The following ROBO1 variants were observed in gnomAD, a reference collection of about 807,000 sequenced individuals.
ROBO1 encodes roundabout guidance receptor 1.
In ROBO1, 149 loss-of-function variants were observed where a neutral mutation model predicts 195.9. The ratio of observed to expected loss-of-function variants is 0.76; its 90% confidence interval spans 0.67 to 0.87. ROBO1 has a LOEUF of 0.87. Among genes scored for constraint, ROBO1 ranks in the 40% least tolerant of loss-of-function variants. The pLI, the probability that ROBO1 is intolerant of heterozygous loss-of-function variation, is 0.00. For missense variants in ROBO1, 1,933 were observed against 2,068.3 expected (o/e 0.93, Z 1.27); for synonymous variants, 816 against 733.2 (o/e 1.11, Z -1.82).
chr3:79,212,506 A>AT (rs1407596161), intron 2 of ROBO1, among the ~76,000 whole-genome samples: 1 of 152,154 alleles, frequency 6.6e-6, no homozygotes, highest in African/African-American at 2.4e-5. Context: ...TAACAGTGAA[A>AT]TATTTAAACT....
chr3:78,634,001 T>C lies in ROBO1; in HGVS notation c.3415A>G (p.Asn1139Asp). 1 of 1,612,414 alleles carries C rather than the reference T, an allele frequency of 6.2e-7. No homozygotes were observed. The highest frequency in any genetic ancestry group is 1.1e-5 in the South Asian group (1 of 90,968). Residue 1139 changes from asparagine to aspartate, a missense_variant, in exon 24 of 31, where the codon AAC becomes GAC. Coordinates refer to ENST00000464233, the MANE Select transcript of ROBO1 (RefSeq NM_002941.4). Reference sequence around the variant, plus strand: ...CCTGTGTTCTGGTCGTATGATTGGTTGTATGGGATAGTTGGAGGAACTGTG... The same window carrying C: ...CCTGTGTTCTGGTCGTATGATTGGTCGTATGGGATAGTTGGAGGAACTGTG... Reference protein sequence around the residue: ...NDTVPPTIPYNQSYDQNTGGS... With the variant: ...NDTVPPTIPYDQSYDQNTGGS...
intron 3 of ROBO1, among the ~76,000 whole-genome samples, chr3:79,009,199 C>A (rs1222436351): frequency 6.6e-6 from 1 of 150,766 alleles, no homozygotes; most frequent in African/African-American, 2.4e-5. Flanking sequence ...GGTGATCCAC[C>A]CGCCTCAGCC....
At chr3:78,962,678 A>G (rs2041425154) in intron 3 of ROBO1, among the ~76,000 whole-genome samples, 1 of 151,942 alleles carries the variant, frequency 6.6e-6, no homozygotes, top group African/African-American at 2.4e-5. Flanking sequence ...ACAAAAAATT[A>G]GCCAGGCGTG....
chr3:78,926,490 C>T (rs996604819), intron 4 of ROBO1, among the ~76,000 whole-genome samples: 2 of 152,052 alleles, frequency 1.3e-5, no homozygotes, highest in African/African-American at 2.4e-5. Flanking sequence ...AAGAATCAAT[C>T]GCAGGTTTCT....
intron 2 of ROBO1, among the ~76,000 whole-genome samples, chr3:79,334,740 T>C (rs2034596670): frequency 6.6e-6 from 1 of 152,158 alleles, no homozygotes; most frequent in Admixed American, 6.5e-5. Context: ...ACCACATTTT[T>C]TTTTTTTAAA....
At chr3:79,559,785 T>A (rs1436059501) in intron 2 of ROBO1, among the ~76,000 whole-genome samples, 1 of 151,986 alleles carries the variant, frequency 6.6e-6, no homozygotes, top group Non-Finnish European at 1.5e-5. Flanking sequence ...GGCGTGGTGG[T>A]GTGCACCTGT....
At chr3:79,545,230 G>T (rs906770779) in intron 2 of ROBO1, among the ~76,000 whole-genome samples, 1 of 152,060 alleles carries the variant, frequency 6.6e-6, no homozygotes, top group African/African-American at 2.4e-5. Flanking sequence ...AATAGCAACT[G>T]AAAAAAAGTG....
chr3:78,670,029 T>C, intron 11 of ROBO1, 67 bp downstream of exon 11: 1 of 1,245,204 alleles, frequency 8.0e-7, no homozygotes, highest in South Asian at 1.5e-5. Flanking sequence ...GAAATTTCAA[T>C]GCCAGTTGTT....
At chr3:79,644,091 G>T (rs1016690270) in intron 1 of ROBO1, among the ~76,000 whole-genome samples, 2 of 152,104 alleles carry the variant, frequency 1.3e-5, no homozygotes, top group Non-Finnish European at 2.9e-5. Flanking sequence ...GCAAATCAAA[G>T]ATTGTAAAAA....
chr3:79,034,120 C>T (rs1426680067), intron 3 of ROBO1, among the ~76,000 whole-genome samples: 2 of 152,124 alleles, frequency 1.3e-5, no homozygotes, highest in Non-Finnish European at 2.9e-5. Context: ...CTCTTGAGGC[C>T]TTTGGTTCTC....
chr3:79,148,486 G>A, intron 2 of ROBO1, among the ~76,000 whole-genome samples: 1 of 151,792 alleles, frequency 6.6e-6, no homozygotes, highest in Middle Eastern at 3.4e-3. Flanking sequence ...ATATAAGCCT[G>A]GGAACAGGAG....
rs979767872 is a variant in ROBO1 at position 79,711,989 on chromosome 3, G to A, written c.-51+55763C>T. Among the ~76,000 whole-genome samples the A allele has an allele frequency of 5.7e-4, 86 of 152,072 alleles. 1 individual carries two copies. Among genetic ancestry groups the A allele is most frequent in the African/African-American group, 2.0e-3 (83 of 41,458 alleles). ...ACAGGAAGCTTAATTGATCAATGTTGTGTGTGTTCTGACTGCTCCACATAC... is the reference window on the plus strand; with the variant it reads ...ACAGGAAGCTTAATTGATCAATGTTATGTGTGTTCTGACTGCTCCACATAC... On this transcript the variant is annotated intron_variant, in intron 1 of 30. Coordinates refer to ENST00000464233, the MANE Select transcript of ROBO1 (RefSeq NM_002941.4).
chr3:78,978,902 C>A (rs1032333373), intron 3 of ROBO1, among the ~76,000 whole-genome samples: 2 of 152,152 alleles, frequency 1.3e-5, no homozygotes, highest in African/African-American at 4.8e-5. Context: ...TACAAACCTC[C>A]TTATCAACAT....
At chr3:79,650,961 A>C (rs1945987586) in intron 1 of ROBO1, among the ~76,000 whole-genome samples, 1 of 152,008 alleles carries the variant, frequency 6.6e-6, no homozygotes, top group African/African-American at 2.4e-5. Flanking sequence ...TTGATTCCTG[A>C]GTGTTTAAAT....
intron 3 of ROBO1, among the ~76,000 whole-genome samples, chr3:78,969,915 A>C (rs2076726384): frequency 6.6e-6 from 1 of 152,190 alleles, no homozygotes; most frequent in Non-Finnish European, 1.5e-5. Flanking sequence ...TTACGACTGA[A>C]ACATATTTCA....
At chr3:79,068,650 C>G (rs2079040312) in intron 3 of ROBO1, among the ~76,000 whole-genome samples, 1 of 151,806 alleles carries the variant, frequency 6.6e-6, no homozygotes, top group Non-Finnish European at 1.5e-5. Context: ...TCCATTTGCT[C>G]TCTTCTCTGT....
At chr3:78,599,332 AAAC>A (rs1348561562) in intron 30 of ROBO1, among the ~76,000 whole-genome samples, 1 of 152,218 alleles carries the variant, frequency 6.6e-6, no homozygotes, top group Non-Finnish European at 1.5e-5. Context: ...AAGACCTGAA[AAAC>A]AACTTCTCTG....
At chr3:79,404,878 G>T (rs2037487306) in intron 2 of ROBO1, among the ~76,000 whole-genome samples, 1 of 151,970 alleles carries the variant, frequency 6.6e-6, no homozygotes, top group South Asian at 2.1e-4. Context: ...CAGAAATAGA[G>T]TAACAAATAG....
At chr3:79,311,841 T>G (rs1369700422) in intron 2 of ROBO1, among the ~76,000 whole-genome samples, 1 of 152,170 alleles carries the variant, frequency 6.6e-6, no homozygotes, top group African/African-American at 2.4e-5. Flanking sequence ...GCTAGCCAAC[T>G]GTTATTTATA....
Sources: allele counts gnomAD v4.1 joint callset (sites outside exome capture counted in the v4.1 genomes callset), GRCh38; gene constraint gnomAD v4.1.1; transcripts MANE v1.5; gene names NCBI Gene and HGNC (gene_info 2026-07-23, HGNC 2026-07-21).